HOOK3: variants seen among roughly 807,000 people sequenced by gnomAD.
The protein encoded by HOOK3 is hook microtubule tethering protein 3.
Under a neutral mutation model 116.3 loss-of-function variants are expected in HOOK3, and 24 were observed. The ratio of observed to expected loss-of-function variants is 0.21; its 90% CI spans 0.15 to 0.29. The LOEUF is 0.29. HOOK3 is among the 10% of genes least tolerant of loss of function. The probability of loss-of-function intolerance (pLI) is 1.00; values close to 1 mark genes in which losing one functional copy is unlikely to be tolerated. For synonymous variants in HOOK3, 275 were observed against 283.0 expected (o/e 0.97, Z 0.28); for missense variants, 632 against 830.2 (o/e 0.76, Z 2.93).
In HOOK3 at chr8:43,029,849, T is replaced by A. The variant is rs1809998705; in HGVS notation, c.*11351T>A. On this transcript the variant is annotated 3_prime_UTR_variant, in exon 22 of 22. Coordinates refer to ENST00000307602, the MANE Select transcript of HOOK3 (RefSeq NM_032410.4). ...GAGTACAGCCCCAACTCTGAAGCCT[T>A]ATATTCATGTCTTAAGTACCATTGA... The A allele has an allele frequency of 1.4e-5, 3 of 213,506 alleles. No homozygotes were observed. In the East Asian group the frequency reaches 2.1e-4, roughly 15 times the overall value. The allele number at this position is 213,506 out of a possible 1,614,324, so 13.2% of individuals were successfully genotyped here.
intron 9 of HOOK3, 21 bp downstream of exon 9, chr8:42,964,495 A>G: frequency 1.2e-6 from 2 of 1,604,546 alleles, no homozygotes; most frequent in Non-Finnish European, 1.7e-6. Context: ...ACTCATTAAA[A>G]TCTGATTTTT....
chr8:43,021,113 A>AC lies in HOOK3; in HGVS notation c.*2615_*2616insC, dbSNP rs1809817904. ...CGAAACTCTGTCGCAAGAAAAAAAA[A>AC]AAAAAAAAAAAAAAAAAAAACAGTC... On this transcript the variant is annotated 3_prime_UTR_variant, in exon 22 of 22. Coordinates refer to ENST00000307602, the MANE Select transcript of HOOK3 (RefSeq NM_032410.4). 1 of 187,676 alleles carries AC rather than the reference A, an allele frequency of 5.3e-6. No individual in the cohort carries two copies. Among genetic ancestry groups the AC allele is most frequent in the African/African-American group, 2.5e-5 (1 of 40,760 alleles). 11.6% of individuals were successfully genotyped at this position (187,676 alleles called of 1,614,324 possible). A position where few individuals can be genotyped will look rare whatever the true frequency, so the allele number is the denominator to read the frequency against.
chr8:42,920,385 T>C (rs1358392946), intron 2 of HOOK3, among the ~76,000 whole-genome samples: 1 of 152,202 alleles, frequency 6.6e-6, no homozygotes, highest in African/African-American at 2.4e-5. Context: ...GGCTTCAAAG[T>C]TTACCAGGGA....
intron 20 of HOOK3, 70 bp from the exon 21 acceptor site, chr8:43,013,259 G>C (rs535801764): frequency 5.0e-6 from 7 of 1,395,732 alleles, no homozygotes; most frequent in South Asian, 1.4e-5. Flanking sequence ...ACAATTAATT[G>C]TAAGTATTTT....
At chr8:42,921,132 G>T (rs1373454921) in intron 2 of HOOK3, among the ~76,000 whole-genome samples, 1 of 151,718 alleles carries the variant, frequency 6.6e-6, no homozygotes, top group Non-Finnish European at 1.5e-5. Context: ...TGGAGATCTT[G>T]GAGTATATAA....
intron 16 of HOOK3, among the ~76,000 whole-genome samples, chr8:42,998,448 A>G (rs1034600806): frequency 6.6e-6 from 1 of 152,304 alleles, no homozygotes; most frequent in Non-Finnish European, 1.5e-5. Flanking sequence ...AAACTCTGGC[A>G]TTTGAGCATA....
chr8:42,951,709 G>A (rs1182037061), intron 6 of HOOK3, among the ~76,000 whole-genome samples: 2 of 152,108 alleles, frequency 1.3e-5, no homozygotes, highest in South Asian at 2.1e-4. Context: ...TTGGGAGGCC[G>A]AGGCAGGCGG....
chr8:42,989,956 C>T (rs1809124895), intron 15 of HOOK3, among the ~76,000 whole-genome samples: 1 of 152,082 alleles, frequency 6.6e-6, no homozygotes, highest in Non-Finnish European at 1.5e-5. Context: ...ACATTGTCTA[C>T]ATCTACATAT....
At chr8:42,999,196 G>T (rs1424725183) in intron 16 of HOOK3, among the ~76,000 whole-genome samples, 2 of 152,114 alleles carry the variant, frequency 1.3e-5, no homozygotes, top group African/African-American at 2.4e-5. Flanking sequence ...AGATAATTTG[G>T]CATAGCTTGA....
intron 21 of HOOK3, among the ~76,000 whole-genome samples, chr8:43,016,574 G>GA (rs1809722213): frequency 6.6e-6 from 1 of 152,212 alleles, no homozygotes; most frequent in Non-Finnish European, 1.5e-5. Context: ...TGAGTGCTGG[G>GA]AAGAGGTATT....
At chr8:43,017,309 C>A (rs1264933894) in intron 21 of HOOK3, among the ~76,000 whole-genome samples, 1 of 152,206 alleles carries the variant, frequency 6.6e-6, no homozygotes, top group Admixed American at 6.5e-5. Context: ...GCACTGTTCC[C>A]ATGCTACAGT....
At chr8:42,922,909 G>T (rs1807685101) in intron 2 of HOOK3, among the ~76,000 whole-genome samples, 1 of 151,152 alleles carries the variant, frequency 6.6e-6, no homozygotes, top group Non-Finnish European at 1.5e-5. Flanking sequence ...GAAAGAAAGT[G>T]GAAAACCAGC....
intron 16 of HOOK3, chr8:43,000,175 C>A: frequency 1.4e-6 from 1 of 726,810 alleles, no homozygotes; most frequent in Non-Finnish European, 2.1e-6. Context: ...TCTTTTACTT[C>A]TGTTCATGAA....
intron 17 of HOOK3, among the ~76,000 whole-genome samples, chr8:43,005,243 C>A (rs1331973225): frequency 7.5e-5 from 7 of 93,838 alleles, no homozygotes; most frequent in South Asian, 3.7e-4. Context: ...TTTTTTGAGA[C>A]GGAGTCTCGC....
intron 2 of HOOK3, among the ~76,000 whole-genome samples, chr8:42,910,791 T>C (rs1318342653): frequency 6.6e-6 from 1 of 152,228 alleles, no homozygotes; most frequent in Non-Finnish European, 1.5e-5. Context: ...AGACATGGTG[T>C]CCACCCTCAG....
At chr8:42,919,471 G>A (rs1807605757) in intron 2 of HOOK3, among the ~76,000 whole-genome samples, 1 of 151,420 alleles carries the variant, frequency 6.6e-6, no homozygotes, top group Admixed American at 6.6e-5. Context: ...GGGCGGCCGG[G>A]CAGAGGGGCT....
intron 4 of HOOK3, among the ~76,000 whole-genome samples, chr8:42,936,930 T>G (rs979435330): frequency 3.3e-5 from 5 of 151,542 alleles, no homozygotes; most frequent in African/African-American, 1.2e-4. Flanking sequence ...GGAGTACCTC[T>G]TTTTCTGTTG....
chr8:42,931,467 T>C (rs1807871735), intron 4 of HOOK3, among the ~76,000 whole-genome samples: 2 of 145,908 alleles, frequency 1.4e-5, no homozygotes, highest in African/African-American at 2.6e-5. Flanking sequence ...AGTCTCGCTC[T>C]GTCACCCAGT....
intron 19 of HOOK3, among the ~76,000 whole-genome samples, chr8:43,011,459 G>T (rs1220014617): frequency 1.3e-5 from 2 of 152,074 alleles, no homozygotes; most frequent in African/African-American, 4.8e-5. Flanking sequence ...ATGTGTGTGT[G>T]TGTGTGTGTG....
Sources: gnomAD v4.1 joint callset for allele counts (sites outside exome capture counted in the v4.1 genomes callset) on GRCh38, gnomAD v4.1.1 for gene constraint, MANE v1.5 for transcripts, NCBI Gene and HGNC (gene_info 2026-07-23, HGNC 2026-07-21) for gene names.